Variants in EBF1 observed in about 807,000 individuals in gnomAD.
The protein encoded by EBF1 is EBF transcription factor 1.
A neutral mutation model predicts 68.4 loss-of-function variants in EBF1; 10 were observed. The observed-to-expected ratio is 0.15, with a 90% CI of 0.09 to 0.25. The LOEUF is 0.25. Among genes scored for constraint, EBF1 ranks in the 10% least tolerant of loss-of-function variants. EBF1 has a pLI of 1.00. For synonymous variants in EBF1, 298 were observed against 299.8 expected (o/e 0.99, Z 0.06); for missense variants, 509 against 794.4 (o/e 0.64, Z 4.32).
In EBF1 at chr5:158,698,462, T is replaced by C. The variant is rs1241032105; in HGVS notation, c.*649A>G. The C allele has an allele frequency of 4.5e-6, 1 of 220,496 alleles. No homozygotes were observed. Among genetic ancestry groups the C allele is most frequent in the Non-Finnish European group, 9.1e-6 (1 of 109,790 alleles). 13.7% of individuals were successfully genotyped at this position (220,496 alleles called of 1,614,324 possible). ...AGGCTGCATTTATTTACACAGTTGC[T>C]TAAGACAACAATACAAAAGAGATAA... On this transcript the variant is annotated 3_prime_UTR_variant, in exon 16 of 16. Transcript: ENST00000313708.
At chr5:159,089,212 A>C (rs1781209666) in intron 4 of EBF1, among the ~76,000 whole-genome samples, 1 of 152,284 alleles carries the variant, frequency 6.6e-6, no homozygotes, top group East Asian at 1.9e-4. Flanking sequence ...ATAATTAACT[A>C]AAAGAAGAAG....
In EBF1 at chr5:158,719,919, G is replaced by GA. The variant is rs201965044; in HGVS notation, c.1126-5738dup. ...GTTTTCAGGAATGTAGATTGAAACA[G>GA]AAAAAAAAAACTACAAGCATCCATA... On this transcript the variant is annotated intron_variant, in intron 11 of 15. Coordinates refer to ENST00000313708, the MANE Select transcript of EBF1 (RefSeq NM_024007.5). Among the ~76,000 whole-genome samples the GA allele has an allele frequency of 7.9e-3, 1,167 of 147,762 alleles. 9 individuals carry two copies. Among genetic ancestry groups the GA allele is most frequent in the African/African-American group, 0.026 (1,074 of 40,548 alleles).
At chr5:159,049,314 T>C (rs1773061846) in intron 6 of EBF1, among the ~76,000 whole-genome samples, 1 of 152,168 alleles carries the variant, frequency 6.6e-6, no homozygotes, top group East Asian at 1.9e-4. Context: ...CAATTATACA[T>C]TTAAGAAAAT....
chr5:159,043,232 C>A (rs980906393), intron 6 of EBF1, among the ~76,000 whole-genome samples: 1 of 152,272 alleles, frequency 6.6e-6, no homozygotes, highest in Middle Eastern at 3.4e-3. Context: ...GTCCATCTGA[C>A]TCCAGCATGT....
In EBF1 at chr5:158,802,895, G is replaced by C. The variant is rs140814588; in HGVS notation, c.779-6420C>G. ...TCCCCATTAACTAGAGTTTATTTAC[G>C]AGAATACCCTATACTCTCATCAGTT... On this transcript the variant is annotated intron_variant, in intron 8 of 15. Coordinates refer to ENST00000313708, the MANE Select transcript of EBF1 (RefSeq NM_024007.5). Among the ~76,000 whole-genome samples, 1,098 of 152,146 alleles carry C rather than the reference G, an allele frequency of 7.2e-3. 11 individuals carry two copies. The highest frequency in any genetic ancestry group is 0.014 in the Middle Eastern group (4 of 294).
intron 6 of EBF1, among the ~76,000 whole-genome samples, chr5:158,978,211 C>A (rs149876527): frequency 1.0e-3 from 156 of 152,372 alleles, no homozygotes; most frequent in Non-Finnish European, 1.8e-3. Flanking sequence ...TGGCTCACTG[C>A]GCCCCGGTGC....
chr5:158,775,387 A>AC (rs1472681073), intron 10 of EBF1, among the ~76,000 whole-genome samples: 1 of 152,004 alleles, frequency 6.6e-6, no homozygotes, highest in Non-Finnish European at 1.5e-5. Context: ...ATGAGACCTG[A>AC]CCACAAAATG....
chr5:158,985,344 G>A (rs1019522508), intron 6 of EBF1, among the ~76,000 whole-genome samples: 1 of 152,158 alleles, frequency 6.6e-6, no homozygotes, highest in Non-Finnish European at 1.5e-5. Context: ...TTAGATCAGT[G>A]TTTTCAACCT....
intron 6 of EBF1, among the ~76,000 whole-genome samples, chr5:159,045,763 C>G (rs1772253994): frequency 1.3e-5 from 2 of 152,156 alleles, no homozygotes; most frequent in South Asian, 4.1e-4. Context: ...TCTATTGAAA[C>G]TGCAGGAGCT....
chr5:158,893,878 C>T (rs1483037512), intron 6 of EBF1, among the ~76,000 whole-genome samples: 1 of 152,040 alleles, frequency 6.6e-6, no homozygotes, highest in Non-Finnish European at 1.5e-5. Flanking sequence ...TCTTCGGGGA[C>T]CAAATTACAG....
At position 158,731,167 on chromosome 5, in the gene EBF1, A is replaced by G; in HGVS notation, c.1037-10T>C. The G allele has an allele frequency of 1.2e-6, 2 of 1,613,188 alleles. No individual in the cohort carries two copies. Among genetic ancestry groups the G allele is most frequent in the Non-Finnish European group, 1.7e-6 (2 of 1,179,308 alleles). Reference sequence around the variant, plus strand: ...GTGGGTTCGTTGAGCGCTGCAATAAAGAAGTCACACAATTAGTACATTTTC... The same window carrying G: ...GTGGGTTCGTTGAGCGCTGCAATAAGGAAGTCACACAATTAGTACATTTTC... On this transcript the variant is annotated splice_polypyrimidine_tract_variant and intron_variant, in intron 10 of 15. Transcript: ENST00000313708.
intron 6 of EBF1, among the ~76,000 whole-genome samples, chr5:158,928,894 A>T (rs1810264476): frequency 6.6e-6 from 1 of 152,240 alleles, no homozygotes; most frequent in Admixed American, 6.5e-5. Flanking sequence ...TTAAACTCAT[A>T]AATATTGCTA....
intron 6 of EBF1, among the ~76,000 whole-genome samples, chr5:158,869,300 C>A (rs965085112): frequency 6.6e-6 from 1 of 152,094 alleles, no homozygotes; most frequent in African/African-American, 2.4e-5. Flanking sequence ...GGGAATAGAA[C>A]AATTTGCATA....
intron 6 of EBF1, among the ~76,000 whole-genome samples, chr5:159,057,110 T>C (rs1452574044): frequency 1.4e-5 from 2 of 140,452 alleles, no homozygotes; most frequent in African/African-American, 2.8e-5. Flanking sequence ...TTTTCTTTTT[T>C]TTTTTTTTTT....
intron 8 of EBF1, among the ~76,000 whole-genome samples, chr5:158,802,356 T>C (rs75669230): frequency 0.075 from 11,464 of 152,244 alleles, 513 homozygotes; most frequent in East Asian, 0.15. Context: ...AACAACACTC[T>C]GTGAGTTGAT....
intron 6 of EBF1, among the ~76,000 whole-genome samples, chr5:158,974,728 C>T (rs1192662246): frequency 6.6e-6 from 1 of 152,064 alleles, no homozygotes; most frequent in South Asian, 2.1e-4. Context: ...TTTTGTAAAT[C>T]CATATTTGAG....
intron 6 of EBF1, among the ~76,000 whole-genome samples, chr5:158,874,568 A>C (rs1296896325): frequency 1.3e-5 from 2 of 152,152 alleles, no homozygotes; most frequent in Admixed American, 6.5e-5. Context: ...ACAAAACAAA[A>C]GGGCTCAGGT....
intron 6 of EBF1, among the ~76,000 whole-genome samples, chr5:158,924,213 T>A (rs1809076522): frequency 6.6e-6 from 1 of 152,200 alleles, no homozygotes; most frequent in African/African-American, 2.4e-5. Flanking sequence ...TGGTGGGCTG[T>A]TGTTCCATTT....
intron 6 of EBF1, among the ~76,000 whole-genome samples, chr5:158,912,263 C>T (rs1806151466): frequency 6.6e-6 from 1 of 152,134 alleles, no homozygotes. Context: ...ACCTACGGAT[C>T]CCAGGGACTT....
Sources: gnomAD v4.1 joint callset for allele counts (sites outside exome capture counted in the v4.1 genomes callset) on GRCh38, gnomAD v4.1.1 for gene constraint, MANE v1.5 for transcripts, NCBI Gene and HGNC (gene_info 2026-07-23, HGNC 2026-07-21) for gene names.